The following CELF2 variants were observed in gnomAD, a reference collection of about 807,000 sequenced individuals.
CELF2 encodes the protein CUGBP Elav-like family member 2.
In CELF2, 8 loss-of-function variants were observed where a neutral mutation model predicts 62.6. The observed-to-expected ratio is 0.13, with a 90% confidence interval of 0.07 to 0.23. The LOEUF (loss-of-function observed/expected upper bound fraction) is 0.23, where lower values mean the gene tolerates loss of function less well. Ranked by LOEUF, CELF2 falls within the 10% of genes least tolerant of loss-of-function variation. The probability of loss-of-function intolerance (pLI) is 1.00; values close to 1 mark genes in which losing one functional copy is unlikely to be tolerated. For synonymous variants in CELF2, 258 were observed against 250.0 expected (o/e 1.03, Z -0.30); for missense variants, 333 against 671.0 (o/e 0.50, Z 5.56).
At chr10:10,694,841 C>CT in the CELF2 span, among the ~76,000 whole-genome samples, 2 of 151,408 alleles carry the variant, frequency 1.3e-5, no homozygotes, top group African/African-American at 4.9e-5. Context: ...CAACCCCTGC[C>CT]TTTTTTTGTT....
chr10:10,791,447 T>C, the CELF2 span, among the ~76,000 whole-genome samples: 1 of 152,230 alleles, frequency 6.6e-6, no homozygotes, highest in South Asian at 2.1e-4. Flanking sequence ...ATCATTCATG[T>C]AATTACAAAT....
At chr10:10,665,422 A>C in the CELF2 span, among the ~76,000 whole-genome samples, 128 of 152,292 alleles carry the variant, frequency 8.4e-4, no homozygotes, top group African/African-American at 2.8e-3. Flanking sequence ...ATATAAATGT[A>C]TGTGTAAGCC....
At chr10:11,174,879 C>T (rs1325960306) in intron 2 of CELF2, among the ~76,000 whole-genome samples, 4 of 152,184 alleles carry the variant, frequency 2.6e-5, no homozygotes, top group East Asian at 1.9e-4. Context: ...AAAGAAATAA[C>T]GCAAACATCA....
At chr10:10,930,509 A>G (rs779255048) in intron 2 of CELF2, among the ~76,000 whole-genome samples, 4 of 152,248 alleles carry the variant, frequency 2.6e-5, no homozygotes, top group African/African-American at 4.8e-5. Context: ...TTATTTGTGC[A>G]TGAGAGCTTT....
In CELF2 at chr10:11,034,152, T is replaced by C. The variant is rs769211253; in HGVS notation, c.74+15989T>C. ...TGATGACTCTGGGCTTTTGTCCTGT[T>C]GACTTTGCCTGTATTTTCTTGAAGG... On this transcript the variant is annotated intron_variant, in intron 1 of 12. Transcript: ENST00000633077. 1.5e-4 allele frequency among the ~76,000 whole-genome samples: 23 copies of C among 152,254 alleles called. 1 individual carries two copies. Among genetic ancestry groups the C allele is most frequent in the South Asian group, 4.1e-4 (2 of 4,828 alleles).
At chr10:10,891,997 T>G (rs2133922600) in intron 1 of CELF2, among the ~76,000 whole-genome samples, 1 of 152,324 alleles carries the variant, frequency 6.6e-6, no homozygotes. Context: ...AAAATATGTT[T>G]GCCTTAATGA....
In CELF2 at chr10:11,311,317, C is replaced by T. The variant is rs971299773; in HGVS notation, c.977-2822C>T. Among the ~76,000 whole-genome samples, 10 of 152,180 alleles carry T rather than the reference C, an allele frequency of 6.6e-5. No individual in the cohort carries two copies. The highest frequency in any genetic ancestry group is 2.4e-4 in the African/African-American group (10 of 41,438). On this transcript the variant is annotated intron_variant, in intron 9 of 12. Coordinates refer to ENST00000633077, the MANE Select transcript of CELF2 (RefSeq NM_001326342.2). The surrounding 1 kb of genome is among the most constrained non-coding windows in gnomAD (Gnocchi z 4.7). ...CTAAGCCATGAAGTTAAAGTATCCC[C>T]AGCTTGTAGTTTCCTCCAGCACCTT...
At chr10:10,500,642 T>C in the CELF2 span, among the ~76,000 whole-genome samples, 1 of 152,180 alleles carries the variant, frequency 6.6e-6, no homozygotes, top group East Asian at 1.9e-4. Flanking sequence ...AATTGCCCAG[T>C]CAGGTATGTC....
chr10:10,962,238 C>T (rs533536186), intron 2 of CELF2, among the ~76,000 whole-genome samples: 2 of 152,212 alleles, frequency 1.3e-5, no homozygotes, highest in East Asian at 3.9e-4. Flanking sequence ...CACCACAGCA[C>T]CACAGCACCA....
At chr10:10,951,011 T>C (rs898986248) in intron 2 of CELF2, among the ~76,000 whole-genome samples, 19 of 152,294 alleles carry the variant, frequency 1.2e-4, no homozygotes, top group African/African-American at 3.6e-4. Flanking sequence ...CTCATGAAAA[T>C]AGCTCCTGTC....
At chr10:10,506,364 G>T in the CELF2 span, among the ~76,000 whole-genome samples, 1 of 151,568 alleles carries the variant, frequency 6.6e-6, no homozygotes, top group Non-Finnish European at 1.5e-5. Context: ...CTGAATTTCT[G>T]TCACCAACTG....
At chr10:10,536,022 A>ATTT in the CELF2 span, among the ~76,000 whole-genome samples, 1,448 of 140,202 alleles carry the variant, frequency 0.01, 30 homozygotes, top group African/African-American at 0.036. Context: ...AAGCTTTTGG[A>ATTT]TTTTTTTTTT....
At chr10:10,630,947 A>G in the CELF2 span, among the ~76,000 whole-genome samples, 1 of 152,182 alleles carries the variant, frequency 6.6e-6, no homozygotes, top group Non-Finnish European at 1.5e-5. Context: ...TTTATGCCTC[A>G]TTAGATAAAA....
At chr10:11,308,556 T>C (rs2094393915) in intron 9 of CELF2, among the ~76,000 whole-genome samples, 1 of 152,250 alleles carries the variant, frequency 6.6e-6, no homozygotes, top group Admixed American at 6.5e-5. Context: ...TTTTTCATTT[T>C]GGTTTTTACT....
chr10:10,599,213 C>CT, the CELF2 span, among the ~76,000 whole-genome samples: 5 of 152,124 alleles, frequency 3.3e-5, no homozygotes, highest in Non-Finnish European at 5.9e-5. Context: ...AGAGCAATGA[C>CT]TTTCAATGAG....
Position 11,282,517 on chromosome 10 carries a change from G to A in CELF2, c.842-5901G>A, listed in dbSNP as rs113190443. On this transcript the variant is annotated intron_variant, in intron 8 of 12. Transcript: ENST00000633077. The stretch of plus-strand genomic sequence containing the variant: ...GCACTGAGGAGCTTGCCTGGCACGC[G>A]CTTTGTTCTTGCTTCTGCTGTCATT... 6.8e-3 allele frequency among the ~76,000 whole-genome samples: 1,032 copies of A among 152,334 alleles called. 14 individuals are homozygous for A. The highest frequency in any genetic ancestry group is 0.024 in the African/African-American group (992 of 41,586).
chr10:10,745,453 T>G, the CELF2 span, among the ~76,000 whole-genome samples: 4 of 152,328 alleles, frequency 2.6e-5, no homozygotes, highest in African/African-American at 9.6e-5. Flanking sequence ...TCTTCTCTTC[T>G]TCCGCACCCC....
At chr10:10,755,532 T>A in the CELF2 span, among the ~76,000 whole-genome samples, 2 of 152,206 alleles carry the variant, frequency 1.3e-5, no homozygotes, top group Non-Finnish European at 2.9e-5. Flanking sequence ...TGCTGCTTCC[T>A]CCTCAGATTG....
the CELF2 span, among the ~76,000 whole-genome samples, chr10:10,514,618 C>A: frequency 0.99 from 150,740 of 152,250 alleles, 74,635 homozygotes; most frequent in South Asian, 1. Context: ...GAATGGGATT[C>A]AGACGTGGAT....
Sources: gnomAD v4.1 joint callset for allele counts (sites outside exome capture counted in the v4.1 genomes callset) on GRCh38, gnomAD v4.1.1 for gene constraint, Gnocchi (gnomAD v3.1) non-coding constraint, MANE v1.5 for transcripts, NCBI Gene and HGNC (gene_info 2026-07-23, HGNC 2026-07-21) for gene names.